The following GPC6 variants were observed in gnomAD, a reference collection of about 807,000 sequenced individuals.
The protein encoded by GPC6 is glypican 6.
Under a neutral mutation model 55.2 loss-of-function variants are expected in GPC6, and 14 were observed. The ratio of observed to expected loss-of-function variants is 0.25; its 90% confidence interval spans 0.17 to 0.40. The LOEUF (loss-of-function observed/expected upper bound fraction) is 0.40, where lower values mean the gene tolerates loss of function less well. Among genes scored for constraint, GPC6 ranks in the 10% least tolerant of loss-of-function variants. The pLI, the probability that GPC6 is intolerant of heterozygous loss-of-function variation, is 1.00. For missense variants in GPC6, 641 were observed against 708.5 expected (o/e 0.90, Z 1.08); for synonymous variants, 278 against 259.6 (o/e 1.07, Z -0.68).
intron 3 of GPC6, among the ~76,000 whole-genome samples, chr13:93,952,682 G>A (rs1033613197): frequency 1.3e-5 from 2 of 151,012 alleles, no homozygotes; most frequent in African/African-American, 4.8e-5. Flanking sequence ...TGTATAAATA[G>A]TATATATAGT....
chr13:93,697,907 A>T (rs1383278148), intron 2 of GPC6, among the ~76,000 whole-genome samples: 1 of 152,154 alleles, frequency 6.6e-6, no homozygotes, highest in Non-Finnish European at 1.5e-5. Flanking sequence ...TATGATTATC[A>T]TGTGCTGCTT....
intron 1 of GPC6, among the ~76,000 whole-genome samples, chr13:93,317,366 T>C (rs1173792205): frequency 6.6e-6 from 1 of 152,106 alleles, no homozygotes; most frequent in African/African-American, 2.4e-5. Context: ...ACCAGAGATT[T>C]GACGAAAGCT....
At chr13:94,171,972 G>A (rs986769459) in intron 4 of GPC6, among the ~76,000 whole-genome samples, 4 of 152,166 alleles carry the variant, frequency 2.6e-5, no homozygotes, top group Non-Finnish European at 4.4e-5. Context: ...TGCTGAAAAC[G>A]TGGAATTGAT....
At chr13:93,401,508 A>G (rs996729098) in intron 1 of GPC6, among the ~76,000 whole-genome samples, 2 of 145,624 alleles carry the variant, frequency 1.4e-5, no homozygotes, top group African/African-American at 2.5e-5. Context: ...TATTAAGTCA[A>G]TTTAGATTAG....
intron 1 of GPC6, among the ~76,000 whole-genome samples, chr13:93,536,628 G>A (rs1004844285): frequency 1.8e-4 from 27 of 152,148 alleles, no homozygotes; most frequent in Non-Finnish European, 3.7e-4. Flanking sequence ...ACCTGTGGAT[G>A]GGCATTTTGG....
chr13:93,921,276 A>G (rs1411509172), intron 3 of GPC6, among the ~76,000 whole-genome samples: 1 of 152,140 alleles, frequency 6.6e-6, no homozygotes, highest in Non-Finnish European at 1.5e-5. Context: ...AGTAGTGTCT[A>G]GAAGTGGATG....
intron 4 of GPC6, among the ~76,000 whole-genome samples, chr13:94,045,676 A>C (rs1369895957): frequency 2.0e-5 from 3 of 151,662 alleles, no homozygotes; most frequent in Non-Finnish European, 4.4e-5. Flanking sequence ...GGCAAAAATA[A>C]GATGTGGCTG....
chr13:93,699,708 A>C (rs1050480497), intron 2 of GPC6, among the ~76,000 whole-genome samples: 4 of 152,166 alleles, frequency 2.6e-5, no homozygotes, highest in African/African-American at 9.6e-5. Flanking sequence ...AAATAAAATT[A>C]TTTAAGCAAC....
At chr13:93,444,526 G>A (rs1460374474) in intron 1 of GPC6, among the ~76,000 whole-genome samples, 1 of 152,184 alleles carries the variant, frequency 6.6e-6, no homozygotes, top group Non-Finnish European at 1.5e-5. Flanking sequence ...AGAATCGCTT[G>A]AACCTGGGAA....
At chr13:93,446,699 A>G (rs1015820763) in intron 1 of GPC6, among the ~76,000 whole-genome samples, 2 of 152,168 alleles carry the variant, frequency 1.3e-5, no homozygotes, top group African/African-American at 4.8e-5. Context: ...TGAGGTAACA[A>G]TGTGACTGAA....
chr13:93,417,666 C>T (rs74938356), intron 1 of GPC6, among the ~76,000 whole-genome samples: 3,245 of 152,040 alleles, frequency 0.021, 124 homozygotes, highest in African/African-American at 0.072. Flanking sequence ...AGAGAGAAAG[C>T]GTGGCCAAGC....
chr13:93,233,176 G>T (rs1023674395), intron 1 of GPC6, among the ~76,000 whole-genome samples: 8 of 152,042 alleles, frequency 5.3e-5, no homozygotes, highest in African/African-American at 1.9e-4. Flanking sequence ...AGTACAGTTT[G>T]AAAGTACTAT....
At chr13:94,382,994 T>C (rs1490919213) in intron 7 of GPC6, among the ~76,000 whole-genome samples, 4 of 152,194 alleles carry the variant, frequency 2.6e-5, no homozygotes, top group Admixed American at 2.6e-4. Context: ...AAGTGTTCAT[T>C]GGCAACGTAA....
chr13:93,359,556 C>G (rs1880974952), intron 1 of GPC6, among the ~76,000 whole-genome samples: 1 of 152,012 alleles, frequency 6.6e-6, no homozygotes, highest in Non-Finnish European at 1.5e-5. Flanking sequence ...GTTGAATGTG[C>G]AAACTGCAAT....
intron 3 of GPC6, among the ~76,000 whole-genome samples, chr13:93,870,269 G>A (rs140549564): frequency 2.4e-3 from 360 of 151,864 alleles, no homozygotes; most frequent in Middle Eastern, 0.014. Flanking sequence ...CAAGTGGTGT[G>A]GCTCATAGAC....
intron 4 of GPC6, among the ~76,000 whole-genome samples, chr13:94,042,905 C>A (rs1325305878): frequency 1.3e-5 from 2 of 151,694 alleles, no homozygotes; most frequent in Non-Finnish European, 1.5e-5. Flanking sequence ...TCTTTTTTCT[C>A]TCCCAACTTC....
chr13:93,369,642 A>G (rs1348803158), intron 1 of GPC6, among the ~76,000 whole-genome samples: 1 of 152,148 alleles, frequency 6.6e-6, no homozygotes, highest in Non-Finnish European at 1.5e-5. Flanking sequence ...TTTGAGCAGA[A>G]TTAGAAGCTC....
Position 94,092,902 on chromosome 13 carries a change from C to G in GPC6, c.877+65008C>G, listed in dbSNP as rs188326768. 8.5e-5 allele frequency among the ~76,000 whole-genome samples: 13 copies of G among 152,094 alleles called. No individual in the cohort carries two copies. The East Asian group carries it at 2.3e-3, about 27-fold the overall frequency. On this transcript the variant is annotated intron_variant, in intron 4 of 8. Coordinates refer to ENST00000377047, the MANE Select transcript of GPC6 (RefSeq NM_005708.5). ...GTGATGTTGAACATGTTTTATATAC[C>G]TTTTGACCATTTGTATGTCTTCTTT...
At chr13:94,356,066 C>G (rs1878777619) in intron 6 of GPC6, among the ~76,000 whole-genome samples, 1 of 151,378 alleles carries the variant, frequency 6.6e-6, no homozygotes, top group East Asian at 2.1e-4. Context: ...CCATCCATGT[C>G]CCTGCAAAGG....
Sources: gnomAD v4.1 joint callset for allele counts (sites outside exome capture counted in the v4.1 genomes callset) on GRCh38, gnomAD v4.1.1 for gene constraint, MANE v1.5 for transcripts, NCBI Gene and HGNC (gene_info 2026-07-23, HGNC 2026-07-21) for gene names.